Variants in MRNIP observed in about 807,000 individuals in gnomAD.
The protein encoded by MRNIP is MRN complex-interacting protein.
A neutral mutation model predicts 29.8 loss-of-function variants in MRNIP; 30 were observed. That is an observed-to-expected ratio of 1.01 (90% CI 0.75 to 1.36). MRNIP has a LOEUF of 1.36. MRNIP is among the 40% of genes most tolerant of loss of function. The probability of loss-of-function intolerance (pLI) is 0.00; values close to 1 mark genes in which losing one functional copy is unlikely to be tolerated. For synonymous variants in MRNIP, 201 were observed against 164.1 expected (o/e 1.23, Z -1.72); for missense variants, 459 against 423.5 (o/e 1.08, Z -0.74).
intron 5 of MRNIP, 23 bp from the exon 6 acceptor site, chr5:179,840,982 A>G: frequency 2.6e-6 from 4 of 1,546,074 alleles, no homozygotes; most frequent in Non-Finnish European, 3.5e-6. Flanking sequence ...GACCGTCAGT[A>G]GTCCCGTGCT....
chr5:179,852,110 G>A (rs1300299657), intron 2 of MRNIP, among the ~76,000 whole-genome samples: 3 of 151,838 alleles, frequency 2.0e-5, no homozygotes, highest in Non-Finnish European at 4.4e-5. Context: ...GTGAAACCCC[G>A]TCTCTATTAA....
intron 3 of MRNIP, 178 bp downstream of exon 3, chr5:179,847,800 A>G: frequency 3.5e-6 from 2 of 566,068 alleles, no homozygotes; most frequent in Non-Finnish European, 3.2e-6. Context: ...TATTCTAAAC[A>G]TCCCCGGGGT....
At position 179,844,029 on chromosome 5, in the gene MRNIP, A is replaced by G. The variant is rs192514254; in HGVS notation, c.291+123T>C. 4.4e-4 allele frequency: 351 copies of G among 793,430 alleles called. 1 individual carries two copies. Among genetic ancestry groups the G allele is most frequent in the Middle Eastern group, 3.8e-3 (10 of 2,658 alleles). The allele number at this position is 793,430 out of a possible 1,614,324, so 49.1% of individuals were successfully genotyped here. A position where few individuals can be genotyped will look rare whatever the true frequency, so the allele number is the denominator to read the frequency against. ...TATTTTTGTGTTCCCTGCAGCTTTA[A>G]GCCAACTGCCTGTCATTGGGTGGCA... On this transcript the variant is annotated intron_variant, in intron 4 of 6. Coordinates refer to ENST00000292586, the MANE Select transcript of MRNIP (RefSeq NM_016175.4).
chr5:179,856,095 A>C (rs891435026), intron 1 of MRNIP, among the ~76,000 whole-genome samples: 1 of 151,764 alleles, frequency 6.6e-6, no homozygotes, highest in East Asian at 1.9e-4. Flanking sequence ...TTTAGTAGAG[A>C]CGGGGTTTCA....
In MRNIP at chr5:179,837,639, C is replaced by G; in HGVS notation, c.784G>C (p.Ala262Pro). The G allele has an allele frequency of 6.2e-7, 1 of 1,614,206 alleles. No homozygotes were observed. The highest frequency in any genetic ancestry group is 1.6e-4 in the Middle Eastern group (1 of 6,062). The change falls in exon 7 of 7, where the codon GCT becomes CCT. Residue 262 changes from alanine to proline, a missense_variant. By Grantham distance (27) the Ala-to-Pro change is conservative. Transcript: ENST00000292586. ...RDPRPAGPAQ[A>P]KQGTPRAQAS... ...TGTGCTCTGGGGGTCCCTTGCTTAG[C>G]CTGTGCTGGACCAGCTGGCCTGGGG...
chr5:179,839,945 T>C (rs902681593), intron 6 of MRNIP: 3 of 148,776 alleles, frequency 2.0e-5, no homozygotes, highest in South Asian at 2.1e-4. Flanking sequence ...CTGGGCAACA[T>C]AGTGAGACCA....
intron 6 of MRNIP, chr5:179,840,216 A>C (rs561718453): frequency 6.6e-6 from 1 of 152,460 alleles, no homozygotes; most frequent in East Asian, 1.9e-4. Flanking sequence ...CTGAGATTAC[A>C]GGTGTGAGCC....
At chr5:179,842,867 T>C (rs1758953274) in intron 4 of MRNIP, among the ~76,000 whole-genome samples, 1 of 148,394 alleles carries the variant, frequency 6.7e-6, no homozygotes, top group East Asian at 2.0e-4. Flanking sequence ...ACCCCGTCTC[T>C]ACTAAAAATA....
rs368891308 is a variant in MRNIP, at chr5:179,853,454, G to C, written c.67-17C>G. ...CTTTTTTACCTGCAATGAAATTTCAGAAATACAACTCAGATAATTATTTAA... is the reference window on the plus strand; with the variant it reads ...CTTTTTTACCTGCAATGAAATTTCACAAATACAACTCAGATAATTATTTAA... On this transcript the variant is annotated splice_polypyrimidine_tract_variant and intron_variant, in intron 1 of 6. Transcript: ENST00000292586. 2.0e-5 allele frequency: 32 copies of C among 1,597,424 alleles called. No individual in the cohort carries two copies. The highest frequency in any genetic ancestry group is 2.7e-5 in the Non-Finnish European group (31 of 1,168,030).
intron 1 of MRNIP, among the ~76,000 whole-genome samples, chr5:179,855,907 G>GTT (rs1205010985): frequency 0.064 from 7,106 of 110,964 alleles, 678 homozygotes; most frequent in African/African-American, 0.18. Context: ...AAGAAAAGTT[G>GTT]TTTTTTTTTT....
intron 1 of MRNIP, 35 bp from the exon 2 acceptor site, chr5:179,853,472 T>C: frequency 6.4e-7 from 1 of 1,568,852 alleles, no homozygotes; most frequent in South Asian, 1.1e-5. Context: ...ACTCAGATAA[T>C]TATTTAAAAC....
chr5:179,858,011 C>CAAAAAAAAAAA (rs762726244), intron 1 of MRNIP, among the ~76,000 whole-genome samples: 1 of 77,280 alleles, frequency 1.3e-5, no homozygotes, highest in Non-Finnish European at 2.9e-5. Context: ...AACTCCGTCT[C>CAAAAAAAAAAA]AAAAAAAAAA....
chr5:179,848,336 T>C (rs1281634552), intron 2 of MRNIP, among the ~76,000 whole-genome samples: 19 of 152,044 alleles, frequency 1.2e-4, no homozygotes, highest in Non-Finnish European at 2.5e-4. Flanking sequence ...CCCAAAGCCC[T>C]ACACAAAATG....
intron 3 of MRNIP, chr5:179,846,235 A>AC (rs1201686765): frequency 4.6e-5 from 7 of 151,236 alleles, no homozygotes; most frequent in Non-Finnish European, 1.0e-4. Context: ...AAATGATTTT[A>AC]AACTCCTGAG....
chr5:179,846,679 T>G (rs576645527), intron 3 of MRNIP, among the ~76,000 whole-genome samples: 13 of 152,298 alleles, frequency 8.5e-5, no homozygotes, highest in African/African-American at 2.9e-4. Flanking sequence ...ATAAATTTTC[T>G]GCTTGAGGCT....
At chr5:179,842,176 A>G (rs1391156180) in intron 4 of MRNIP, 112 bp from the exon 5 acceptor site, 21 of 1,069,486 alleles carry the variant, frequency 2.0e-5, no homozygotes, top group Non-Finnish European at 2.7e-5. Flanking sequence ...GTCCAGCTCC[A>G]CTCTAGGAAA....
At chr5:179,844,292 C>T in intron 3 of MRNIP, 65 bp from the exon 4 acceptor site, 1 of 1,344,866 alleles carries the variant, frequency 7.4e-7, no homozygotes, top group African/African-American at 1.4e-5. Flanking sequence ...GTGGCTCACT[C>T]CTGTAATCCC....
intron 1 of MRNIP, among the ~76,000 whole-genome samples, chr5:179,855,916 T>TTTG (rs1334492390): frequency 1.3e-5 from 2 of 148,716 alleles, no homozygotes; most frequent in African/African-American, 5.1e-5. Flanking sequence ...TGTTTTTTTT[T>TTTG]TTTTTTTTTT....
chr5:179,855,435 C>T (rs181117019), intron 1 of MRNIP, among the ~76,000 whole-genome samples: 7 of 152,280 alleles, frequency 4.6e-5, no homozygotes, highest in Non-Finnish European at 1.0e-4. Flanking sequence ...CGGCTGCTAC[C>T]TGACATAATT....
Sources: allele counts gnomAD v4.1 joint callset (sites outside exome capture counted in the v4.1 genomes callset), GRCh38; gene constraint gnomAD v4.1.1; transcripts MANE v1.5; gene names NCBI Gene and HGNC (gene_info 2026-07-23, HGNC 2026-07-21).